OSBPL10: variants seen among roughly 807,000 people sequenced by gnomAD.
OSBPL10 encodes oxysterol binding protein like 10, also known as oxysterol-binding protein-related protein 10.
OSBPL10 carries 49 observed loss-of-function variants against 81.7 expected under a neutral mutation model. That is an observed-to-expected ratio of 0.60 (90% CI 0.48 to 0.76). The LOEUF (loss-of-function observed/expected upper bound fraction) is 0.76. Among genes scored for constraint, OSBPL10 ranks in the 30% least tolerant of loss-of-function variants. The pLI, the probability that OSBPL10 is intolerant of heterozygous loss-of-function variation, is 0.00. For missense variants in OSBPL10, 923 were observed against 987.8 expected (o/e 0.93, Z 0.88); for synonymous variants, 419 against 383.6 (o/e 1.09, Z -1.08).
intron 1 of OSBPL10, among the ~76,000 whole-genome samples, chr3:31,968,960 C>A (rs1015921401): frequency 1.1e-4 from 17 of 152,184 alleles, no homozygotes; most frequent in African/African-American, 3.4e-4. Flanking sequence ...GCTCTCTCAA[C>A]GGCACGTACT....
intron 8 of OSBPL10, among the ~76,000 whole-genome samples, chr3:31,682,479 C>A (rs1196664745): frequency 6.6e-6 from 1 of 152,226 alleles, no homozygotes; most frequent in East Asian, 1.9e-4. Context: ...TACCTGTAGG[C>A]CTCTGCCTCA....
chr3:31,717,955 A>AT (rs1282658029), intron 6 of OSBPL10, among the ~76,000 whole-genome samples: 2 of 152,200 alleles, frequency 1.3e-5, no homozygotes, highest in Non-Finnish European at 2.9e-5. Context: ...TGCAAACGGT[A>AT]TGTAGTAGCA....
chr3:31,944,785 T>C (rs76899239), intron 1 of OSBPL10, among the ~76,000 whole-genome samples: 2,913 of 141,214 alleles, frequency 0.021, 107 homozygotes, highest in African/African-American at 0.07. Flanking sequence ...GAGCTATGAT[T>C]GCACCACTAC....
At chr3:31,888,947 A>G (rs897962905) in intron 1 of OSBPL10, among the ~76,000 whole-genome samples, 1 of 151,660 alleles carries the variant, frequency 6.6e-6, no homozygotes, top group African/African-American at 2.4e-5. Context: ...AATAATAATA[A>G]TAATCTGCTT....
Position 31,981,117 on chromosome 3 carries a change from G to A in OSBPL10, c.63C>T (p.Ser21=), listed in dbSNP as rs1361870639. ...AGGAGCCCGCCGAGGTAGCACGGCT[G>A]CTGCTGCGGCTGCTGCTGTTGCTAC... is the stretch of plus-strand genomic sequence containing the variant. The part of the protein sequence containing the change: ...GGGSNSSSRS[S]SRATSAGSSP... The change falls in exon 1 of 12, where the codon AGC becomes AGT. Residue 21 remains serine (S), a synonymous_variant. Transcript: ENST00000396556. This position sits in a 1 kb window ranked among gnomAD's most constrained non-coding sequence, Gnocchi z 4.5. 6.7e-7 allele frequency: 1 copy of A among 1,492,474 alleles called. No homozygotes were observed. Among genetic ancestry groups the A allele is most frequent in the African/African-American group, 1.5e-5 (1 of 68,438 alleles). 92.5% of individuals were successfully genotyped at this position (1,492,474 alleles called of 1,614,324 possible). A position where few individuals can be genotyped will look rare whatever the true frequency, so the allele number is the denominator to read the frequency against.
intron 2 of OSBPL10, among the ~76,000 whole-genome samples, chr3:32,025,897 C>T (rs1699401022): frequency 6.6e-6 from 1 of 152,160 alleles, no homozygotes; most frequent in African/African-American, 2.4e-5. Context: ...GCTGCACACA[C>T]ACACAGACTC....
At chr3:31,832,705 G>A (rs200421188) in intron 3 of OSBPL10, among the ~76,000 whole-genome samples, 1 of 152,186 alleles carries the variant, frequency 6.6e-6, no homozygotes, top group East Asian at 1.9e-4. Flanking sequence ...GCCAGAAAAT[G>A]TCAAAGAAGT....
At chr3:31,803,031 G>A (rs1699427954) in intron 4 of OSBPL10, among the ~76,000 whole-genome samples, 1 of 136,232 alleles carries the variant, frequency 7.3e-6, no homozygotes, top group African/African-American at 2.8e-5. Flanking sequence ...TACTGTTCTA[G>A]TCTACAAAGT....
intron 3 of OSBPL10, among the ~76,000 whole-genome samples, chr3:31,834,312 T>C (rs988719241): frequency 3.3e-5 from 5 of 152,236 alleles, no homozygotes; most frequent in Non-Finnish European, 7.3e-5. Flanking sequence ...AAACACCAAG[T>C]GTGCCATCTG....
At chr3:31,809,336 A>G (rs905924185) in intron 4 of OSBPL10, among the ~76,000 whole-genome samples, 1 of 152,204 alleles carries the variant, frequency 6.6e-6, no homozygotes, top group Admixed American at 6.5e-5. Flanking sequence ...AAAAAGTCTC[A>G]TTTGCAACAG....
intron 1 of OSBPL10, among the ~76,000 whole-genome samples, chr3:31,906,599 A>G (rs1357988347): frequency 1.3e-5 from 2 of 152,228 alleles, no homozygotes; most frequent in Non-Finnish European, 2.9e-5. Flanking sequence ...AAAATGACCA[A>G]TTCCCAATCA....
chr3:31,897,845 T>C (rs553562811), intron 1 of OSBPL10, among the ~76,000 whole-genome samples: 8 of 151,480 alleles, frequency 5.3e-5, no homozygotes, highest in Admixed American at 5.3e-4. Context: ...CCATCTCTAC[T>C]AAAAATACAA....
At chr3:31,719,062 A>G (rs966383087) in intron 6 of OSBPL10, 1 of 152,202 alleles carries the variant, frequency 6.6e-6, no homozygotes, top group African/African-American at 2.4e-5. Context: ...CATCCCTACA[A>G]AACAGCCCAC....
intron 1 of OSBPL10, among the ~76,000 whole-genome samples, chr3:31,968,790 T>TA (rs1698476633): frequency 6.6e-6 from 1 of 152,148 alleles, no homozygotes; most frequent in African/African-American, 2.4e-5. Context: ...ACAACTATAA[T>TA]AGTGTTATGA....
At chr3:31,871,027 C>T (rs1384113687) in intron 3 of OSBPL10, among the ~76,000 whole-genome samples, 2 of 152,202 alleles carry the variant, frequency 1.3e-5, no homozygotes, top group Non-Finnish European at 2.9e-5. Flanking sequence ...CCTGTCAAAA[C>T]AGACCACTCA....
In OSBPL10 at chr3:31,684,165, A is replaced by G. The variant is rs569446378; in HGVS notation, c.1246-51T>C. 2.6e-5 allele frequency: 41 copies of G among 1,586,956 alleles called. No individual in the cohort carries two copies. In the African/African-American group the frequency reaches 4.6e-4, roughly 18 times the overall value. ...GACAATCCCTGGGATTACACGGAAA[A>G]GCTGAAAAGAAAGGTAAAGGCTGCA... On this transcript the variant is annotated intron_variant, in intron 7 of 11. Coordinates refer to ENST00000396556, the MANE Select transcript of OSBPL10 (RefSeq NM_017784.5).
At chr3:31,965,977 A>G (rs1427630174) in intron 1 of OSBPL10, among the ~76,000 whole-genome samples, 1 of 125,330 alleles carries the variant, frequency 8.0e-6, no homozygotes, top group Non-Finnish European at 1.6e-5. Flanking sequence ...AAAATAGATA[A>G]TATATATTAT....
upstream of OSBPL10, chr3:31,981,439 G>A (rs564390503): frequency 1.3e-5 from 6 of 468,906 alleles, no homozygotes; most frequent in East Asian, 2.4e-4. This position sits in a 1 kb window ranked among gnomAD's most constrained non-coding sequence, Gnocchi z 4.5. Context: ...CTAGTTTCCC[G>A]GGCAAGTTCG....
rs202179987 is a variant in OSBPL10, at chr3:31,670,888, C to T, written c.1822G>A (p.Gly608Arg). The T allele has an allele frequency of 5.6e-6, 9 of 1,614,140 alleles. No homozygotes were observed. Among genetic ancestry groups the T allele is most frequent in the Admixed American group, 3.3e-5 (2 of 60,028 alleles). The change falls in exon 9 of 12, where the codon GGA becomes AGA. Residue 608 changes from glycine (G) to arginine (R), a missense_variant. By Grantham distance (125) the Gly-to-Arg change is moderately radical. This residue lies in a region of OSBPL10 where 387 missense variants were observed against 436.3 expected (regional missense o/e 0.89). Transcript: ENST00000396556. Reference protein sequence around the residue: ...SILTIPWVELGGKVSINCAKT... With the variant: ...SILTIPWVELRGKVSINCAKT... The stretch of plus-strand genomic sequence containing the variant: ...GCACAGTTGATGCTGACTTTTCCTC[C>T]GAGCTCCACCCACGGGATGGTGAGA...
Sources: gnomAD v4.1 joint callset for allele counts (sites outside exome capture counted in the v4.1 genomes callset) on GRCh38, gnomAD v4.1.1 for gene constraint, gnomAD v4.1.1 regional missense constraint, Gnocchi (gnomAD v3.1) non-coding constraint, MANE v1.5 for transcripts, NCBI Gene and HGNC (gene_info 2026-07-23, HGNC 2026-07-21) for gene names.